Variants in MTFR1 observed in about 807,000 individuals in gnomAD.
The protein encoded by MTFR1 is chondrocyte protein with a poly-proline region.
A neutral mutation model predicts 38.8 loss-of-function variants in MTFR1; 28 were observed. That is an observed-to-expected ratio of 0.72 (90% confidence interval 0.53 to 0.99). The LOEUF is 0.99. Among genes scored for constraint, MTFR1 ranks in the 50% least tolerant of loss-of-function variants. The probability of loss-of-function intolerance (pLI) is 0.00; values close to 1 mark genes in which losing one functional copy is unlikely to be tolerated. For synonymous variants in MTFR1, 145 were observed against 137.0 expected, an observed-to-expected ratio of 1.06 and a Z score of -0.41; for missense variants, 358 against 395.5, an observed-to-expected ratio of 0.91 and a Z score of 0.81.
chr8:65,664,289 A>T (rs961368357), intron 1 of MTFR1, among the ~76,000 whole-genome samples: 1 of 152,264 alleles, frequency 6.6e-6, no homozygotes, highest in Non-Finnish European at 1.5e-5. Context: ...AGATGAGTAC[A>T]TGAATTGTGT....
intron 3 of MTFR1, among the ~76,000 whole-genome samples, chr8:65,741,274 T>C (rs749916475): frequency 1.3e-5 from 2 of 152,170 alleles, no homozygotes; most frequent in Non-Finnish European, 2.9e-5. Flanking sequence ...ATTCAGATAA[T>C]GCAATAAAAT....
chr8:65,664,933 ATTTTTTT>A (rs374209617), intron 1 of MTFR1, among the ~76,000 whole-genome samples: 1 of 125,702 alleles, frequency 8.0e-6, no homozygotes, highest in African/African-American at 3.0e-5. Flanking sequence ...TTAAAAAAAA[ATTTTTTT>A]TTTTTTTTTT....
In MTFR1 at chr8:65,650,210, C is replaced by CT. The variant is rs768949769; in HGVS notation, c.-81+5447dup. On this transcript the variant is annotated intron_variant, in intron 1 of 7. Transcript: ENST00000262146. ...GACTGCTGGTAACCATCCTTATACT[C>CT]TTTTTTTTTTTTTTTTTTTTTGAGA... Among the ~76,000 whole-genome samples the CT allele has an allele frequency of 6.9e-3, 790 of 114,600 alleles. 15 individuals are homozygous for CT. Among genetic ancestry groups the CT allele is most frequent in the East Asian group, 0.023 (98 of 4,306 alleles). 75.2% of individuals were successfully genotyped at this position (114,600 alleles called of 152,430 possible).
At chr8:65,743,359 G>A (rs914095760) in intron 3 of MTFR1, among the ~76,000 whole-genome samples, 48 of 152,152 alleles carry the variant, frequency 3.2e-4, no homozygotes, top group Admixed American at 2.7e-3. Flanking sequence ...CTGTGTGTAC[G>A]GGCCAAGGTG....
intron 3 of MTFR1, among the ~76,000 whole-genome samples, chr8:65,757,093 C>T (rs1454610214): frequency 6.6e-6 from 1 of 152,076 alleles, no homozygotes; most frequent in Admixed American, 6.5e-5. Flanking sequence ...ATGGAAGCTT[C>T]ATAATGTCAG....
At chr8:65,762,519 G>C (rs1381745595) in intron 3 of MTFR1, among the ~76,000 whole-genome samples, 1 of 152,138 alleles carries the variant, frequency 6.6e-6, no homozygotes, top group African/African-American at 2.4e-5. Context: ...TACTAGTTCT[G>C]TGACATTAAA....
At chr8:65,681,201 C>T (rs1268918706) in intron 2 of MTFR1, among the ~76,000 whole-genome samples, 5 of 152,214 alleles carry the variant, frequency 3.3e-5, no homozygotes, top group East Asian at 1.9e-4. Flanking sequence ...CGTGAGCCAC[C>T]GCGCCCGGCC....
At chr8:65,725,496 T>C (rs1014229016) in intron 3 of MTFR1, 1 of 154,132 alleles carries the variant, frequency 6.5e-6, no homozygotes, top group African/African-American at 2.4e-5. Context: ...AATATCCAAC[T>C]TTTCTGAAAG....
chr8:65,730,115 T>C (rs1328658555), intron 3 of MTFR1, among the ~76,000 whole-genome samples: 2 of 147,372 alleles, frequency 1.4e-5, no homozygotes, highest in African/African-American at 5.0e-5. Flanking sequence ...TAGCTTCTCA[T>C]AGGAGCACAA....
intron 3 of MTFR1, among the ~76,000 whole-genome samples, chr8:65,761,759 G>T (rs1035830077): frequency 6.6e-6 from 1 of 152,198 alleles, no homozygotes; most frequent in Non-Finnish European, 1.5e-5. Flanking sequence ...CAAAAAGTGG[G>T]ATAGCAGACG....
chr8:65,695,028 T>C (rs1022204024), intron 4 of MTFR1, among the ~76,000 whole-genome samples: 3 of 152,164 alleles, frequency 2.0e-5, no homozygotes, highest in Non-Finnish European at 4.4e-5. Context: ...AAGTTCACGT[T>C]TGTGGAAAGC....
chr8:65,771,748 G>A (rs1809095929), downstream of MTFR1, among the ~76,000 whole-genome samples: 1 of 151,916 alleles, frequency 6.6e-6, no homozygotes, highest in African/African-American at 2.4e-5. Flanking sequence ...GGTGGTGGGT[G>A]CCTGTAATCC....
rs181288795 is a variant in MTFR1 at position 65,721,582 on chromosome 8, G to C, written c.*48+2101G>C. 1.7e-4 allele frequency among the ~76,000 whole-genome samples: 26 copies of C among 152,200 alleles called. No individual in the cohort carries two copies. The East Asian group carries it at 5.0e-3, about 29-fold the overall frequency. ...ACCTTATCCCTGACAACCCATTCTAGATCTGTACAACACTGACAAGATCAA... is the reference window on the plus strand; with the variant it reads ...ACCTTATCCCTGACAACCCATTCTACATCTGTACAACACTGACAAGATCAA... On this transcript the variant is annotated intron_variant, in intron 3 of 3. Coordinates refer to the MTFR1 transcript ENST00000521247.
At chr8:65,649,797 C>T (rs1043533678) in intron 1 of MTFR1, among the ~76,000 whole-genome samples, 2 of 151,756 alleles carry the variant, frequency 1.3e-5, no homozygotes, top group Non-Finnish European at 2.9e-5. Context: ...CCCCCACCCC[C>T]CCACACTGTC....
intron 4 of MTFR1, among the ~76,000 whole-genome samples, chr8:65,700,362 A>G (rs1390451798): frequency 3.3e-5 from 5 of 151,326 alleles, no homozygotes; most frequent in Non-Finnish European, 4.4e-5. Flanking sequence ...AAAAAAAAAA[A>G]AAAAGAAAAA....
chr8:65,726,761 C>A (rs1342500703), intron 3 of MTFR1: 3 of 580,700 alleles, frequency 5.2e-6, no homozygotes, highest in Non-Finnish European at 6.2e-6. Context: ...ATTTGACAAA[C>A]ACTGAAAACT....
intron 3 of MTFR1, chr8:65,734,784 A>G (rs371563298): frequency 1.6e-5 from 23 of 1,473,704 alleles, no homozygotes; most frequent in Non-Finnish European, 2.0e-5. Flanking sequence ...AATCAATGTC[A>G]ACCTCTTACC....
At chr8:65,739,917 A>G (rs1807333217) in intron 3 of MTFR1, among the ~76,000 whole-genome samples, 2 of 152,328 alleles carry the variant, frequency 1.3e-5, no homozygotes, top group African/African-American at 4.8e-5. Flanking sequence ...ATTGTCCCAC[A>G]TAGTAACCTA....
chr8:65,695,596 ATCCACCTGC>A (rs1210681367), intron 4 of MTFR1, among the ~76,000 whole-genome samples: 1 of 152,166 alleles, frequency 6.6e-6, no homozygotes, highest in Non-Finnish European at 1.5e-5. Flanking sequence ...ACCCCAGGTG[ATCCACCTGC>A]CTTGACTTCT....
Sources: allele counts gnomAD v4.1 joint callset (sites outside exome capture counted in the v4.1 genomes callset), GRCh38; gene constraint gnomAD v4.1.1; transcripts MANE v1.5; gene names NCBI Gene and HGNC (gene_info 2026-07-23, HGNC 2026-07-21).